The following PLCXD3 variants were observed in gnomAD, a reference collection of about 807,000 sequenced individuals.
PLCXD3 encodes phosphatidylinositol specific phospholipase C X domain containing 3.
In PLCXD3, 19 loss-of-function variants were observed where a neutral mutation model predicts 25.5. The ratio of observed to expected loss-of-function variants is 0.75; its 90% CI spans 0.52 to 1.09. The LOEUF is 1.09. Among genes scored for constraint, PLCXD3 ranks in the 50% least tolerant of loss-of-function variants. PLCXD3 has a pLI of 0.00. For synonymous variants in PLCXD3, 174 were observed against 137.6 expected, an observed-to-expected ratio of 1.26 and a Z score of -1.85; for missense variants, 411 against 388.1, an observed-to-expected ratio of 1.06 and a Z score of -0.50.
intron 1 of PLCXD3, among the ~76,000 whole-genome samples, chr5:41,479,318 A>C (rs1230709380): frequency 1.3e-5 from 2 of 152,172 alleles, no homozygotes; most frequent in African/African-American, 2.4e-5. Flanking sequence ...GATGGTTGCC[A>C]GGGTCTAGGA....
At chr5:41,370,614 A>G (rs1402419501) in intron 2 of PLCXD3, among the ~76,000 whole-genome samples, 4 of 152,148 alleles carry the variant, frequency 2.6e-5, no homozygotes, top group Non-Finnish European at 2.9e-5. Flanking sequence ...TCACTCGACT[A>G]GCCATTTATA....
intron 2 of PLCXD3, among the ~76,000 whole-genome samples, chr5:41,317,369 A>T (rs143588597): frequency 1.3e-5 from 2 of 152,198 alleles, no homozygotes; most frequent in African/African-American, 2.4e-5. Flanking sequence ...TCAAATTTCC[A>T]GAAGGCCTCC....
chr5:41,453,615 G>T (rs1412647170), intron 1 of PLCXD3, among the ~76,000 whole-genome samples: 1 of 151,934 alleles, frequency 6.6e-6, no homozygotes, highest in Non-Finnish European at 1.5e-5. Flanking sequence ...TTACAAAGTT[G>T]TTTTGAGAAA....
chr5:41,338,203 G>T (rs1744037621), intron 2 of PLCXD3, among the ~76,000 whole-genome samples: 1 of 152,018 alleles, frequency 6.6e-6, no homozygotes, highest in African/African-American at 2.4e-5. Context: ...AAATTCCATG[G>T]AACAATGCTT....
intron 2 of PLCXD3, among the ~76,000 whole-genome samples, chr5:41,349,484 G>C (rs181643707): frequency 6.6e-6 from 1 of 152,262 alleles, no homozygotes; most frequent in East Asian, 1.9e-4. Flanking sequence ...TCTGCCACAA[G>C]TTGTGTTAAA....
chr5:41,448,650 A>G (rs919470037), intron 1 of PLCXD3, among the ~76,000 whole-genome samples: 3 of 152,184 alleles, frequency 2.0e-5, no homozygotes, highest in Non-Finnish European at 4.4e-5. Flanking sequence ...TAACTTCTCA[A>G]TCATACAAGT....
intron 1 of PLCXD3, among the ~76,000 whole-genome samples, chr5:41,440,328 G>A (rs1212664385): frequency 7.4e-6 from 1 of 135,274 alleles, no homozygotes; most frequent in African/African-American, 2.8e-5. Context: ...TGCCTCCCGG[G>A]TTCAAATGAT....
intron 2 of PLCXD3, among the ~76,000 whole-genome samples, chr5:41,320,099 A>T (rs1021728435): frequency 6.6e-6 from 1 of 152,182 alleles, no homozygotes; most frequent in Non-Finnish European, 1.5e-5. Context: ...AAGTAATGAG[A>T]TCAAAGCCAT....
At chr5:41,326,933 A>C (rs1332715203) in intron 2 of PLCXD3, among the ~76,000 whole-genome samples, 1 of 152,206 alleles carries the variant, frequency 6.6e-6, no homozygotes, top group Admixed American at 6.6e-5. Flanking sequence ...TTTAAGAAGC[A>C]AAATAGACGT....
intron 2 of PLCXD3, among the ~76,000 whole-genome samples, chr5:41,374,663 G>A (rs1164163991): frequency 2.0e-5 from 3 of 152,006 alleles, no homozygotes; most frequent in Non-Finnish European, 4.4e-5. Flanking sequence ...AAAGCTTTTT[G>A]TAAATAATGA....
rs186246445 is a variant in PLCXD3 at position 41,485,335 on chromosome 5, C to A, written c.103+25089G>T. On this transcript the variant is annotated intron_variant, in intron 1 of 2. Transcript: ENST00000377801. ...TAAGCCTCTCTTTATACACTTCTAC[C>A]AAAGAGGATGAGTTTACTACTTAAA... Among the ~76,000 whole-genome samples the A allele has an allele frequency of 2.0e-3, 312 of 152,264 alleles. 1 individual carries two copies. Among genetic ancestry groups the A allele is most frequent in the African/African-American group, 7.0e-3 (289 of 41,552 alleles).
rs62360571 is a variant in PLCXD3 at position 41,400,893 on chromosome 5, A to G, written c.104-18359T>C. On this transcript the variant is annotated intron_variant, in intron 1 of 2. Transcript: ENST00000377801. ...AGGATAACTGTTCGAGGGGAAGGAT[A>G]CCTCATTCTCTATGTTGTGCTTATT... is the stretch of plus-strand genomic sequence containing the variant. 7.3e-3 allele frequency among the ~76,000 whole-genome samples: 1,112 copies of G among 152,178 alleles called. 10 individuals carry two copies. Among genetic ancestry groups the G allele is most frequent in the Non-Finnish European group, 0.012 (807 of 67,922 alleles).
intron 1 of PLCXD3, among the ~76,000 whole-genome samples, chr5:41,473,982 G>T (rs1485278028): frequency 6.6e-6 from 1 of 152,078 alleles, no homozygotes; most frequent in Non-Finnish European, 1.5e-5. Context: ...GAGAATTGTG[G>T]CTTGGGACAG....
At chr5:41,417,068 A>G (rs1260693968) in intron 1 of PLCXD3, among the ~76,000 whole-genome samples, 1 of 152,224 alleles carries the variant, frequency 6.6e-6, no homozygotes, top group African/African-American at 2.4e-5. Context: ...TCTGTGGCCA[A>G]CACTAACATG....
At chr5:41,472,182 C>T (rs1370006529) in intron 1 of PLCXD3, among the ~76,000 whole-genome samples, 2 of 151,638 alleles carry the variant, frequency 1.3e-5, no homozygotes, top group Non-Finnish European at 2.9e-5. Flanking sequence ...GAATGATATA[C>T]TTAGGCCTAT....
rs200942217 is a variant in PLCXD3 at position 41,492,031 on chromosome 5, G to T, written c.103+18393C>A. Among the ~76,000 whole-genome samples the T allele has an allele frequency of 9.0e-5, 11 of 121,718 alleles. 1 individual carries two copies. The highest frequency in any genetic ancestry group is 3.4e-4 in the African/African-American group (11 of 32,404). The allele number at this position is 121,718 out of a possible 152,430, so 79.9% of individuals were successfully genotyped here. ...GTTGATGCACTTTCTTCCTAGCCTC[G>T]ATGGTCTTTACAATTTGGCATGATT... On this transcript the variant is annotated intron_variant, in intron 1 of 2. Coordinates refer to ENST00000377801, the MANE Select transcript of PLCXD3 (RefSeq NM_001005473.3).
chr5:41,427,584 T>A (rs1361753868), intron 1 of PLCXD3, among the ~76,000 whole-genome samples: 2 of 152,220 alleles, frequency 1.3e-5, no homozygotes, highest in Non-Finnish European at 2.9e-5. Context: ...GTTGCTAATG[T>A]TCCAGCAGAC....
chr5:41,413,623 A>G (rs945767702), intron 1 of PLCXD3, among the ~76,000 whole-genome samples: 1 of 152,182 alleles, frequency 6.6e-6, no homozygotes, highest in African/African-American at 2.4e-5. Flanking sequence ...ATGTGCTTGA[A>G]TTACAGGAGA....
At position 41,455,923 on chromosome 5, in the gene PLCXD3, T is replaced by C. The variant is rs1002738901; in HGVS notation, c.103+54501A>G. 2.0e-5 allele frequency among the ~76,000 whole-genome samples: 3 copies of C among 151,950 alleles called. No homozygotes were observed. In the East Asian group the frequency reaches 5.8e-4, roughly 29 times the overall value. Reference sequence around the variant, plus strand: ...ACACAGTTATTGTCCCATATCACCATTGTGTTAAAAACAATGCATGTAAGA... The same window carrying C: ...ACACAGTTATTGTCCCATATCACCACTGTGTTAAAAACAATGCATGTAAGA... On this transcript the variant is annotated intron_variant, in intron 1 of 2. Coordinates refer to ENST00000377801, the MANE Select transcript of PLCXD3 (RefSeq NM_001005473.3).
Sources: gnomAD v4.1 joint callset for allele counts (sites outside exome capture counted in the v4.1 genomes callset) on GRCh38, gnomAD v4.1.1 for gene constraint, MANE v1.5 for transcripts, NCBI Gene and HGNC (gene_info 2026-07-23, HGNC 2026-07-21) for gene names.